Variants in CTNNA3 observed in about 807,000 individuals in gnomAD.
CTNNA3 encodes catenin alpha 3.
Under a neutral mutation model 95.7 loss-of-function variants are expected in CTNNA3, and 76 were observed. The observed-to-expected ratio is 0.79, with a 90% CI of 0.66 to 0.96. The LOEUF (loss-of-function observed/expected upper bound fraction) is 0.96. Ranked by LOEUF, CTNNA3 falls within the 40% of genes least tolerant of loss-of-function variation. The pLI is 0.00. For synonymous variants in CTNNA3, 431 were observed against 374.4 expected (o/e 1.15, Z -1.74); for missense variants, 1,191 against 1,089.8 (o/e 1.09, Z -1.31).
In CTNNA3 at chr10:66,846,506, GGATA is replaced by G. The variant is rs367726455; in HGVS notation, c.1048-70986_1048-70983del. Among the ~76,000 whole-genome samples, 164 of 150,340 alleles carry G rather than the reference GGATA, an allele frequency of 1.1e-3. 1 individual carries two copies. The highest frequency in any genetic ancestry group is 3.5e-3 in the African/African-American group (142 of 40,870). The stretch of plus-strand genomic sequence containing the variant: ...ACACACACACACACACAAAATGAGG[GGATA>G]GATATGTTTGATTGTACAATCATTT... On this transcript the variant is annotated intron_variant, in intron 7 of 17. Transcript: ENST00000433211.
At chr10:66,496,741 C>A (rs888501052) in intron 11 of CTNNA3, among the ~76,000 whole-genome samples, 5 of 152,170 alleles carry the variant, frequency 3.3e-5, no homozygotes, top group Admixed American at 6.5e-5. Flanking sequence ...TTTATTGAAG[C>A]AGTACTGGAT....
chr10:66,411,513 T>C (rs1301897535), intron 11 of CTNNA3, among the ~76,000 whole-genome samples: 1 of 152,048 alleles, frequency 6.6e-6, no homozygotes, highest in Non-Finnish European at 1.5e-5. Flanking sequence ...ATTTTTTATA[T>C]AAATATGGAA....
At chr10:66,540,663 CCCTTTCTT>C (rs59005026) in intron 10 of CTNNA3, among the ~76,000 whole-genome samples, 30,297 of 149,400 alleles carry the variant, frequency 0.2, 4,400 homozygotes, top group East Asian at 0.85. Context: ...CTTCCTTTCT[CCCTTTCTT>C]CCTTTCTTCC....
At chr10:66,888,789 C>A (rs1347146094) in intron 7 of CTNNA3, among the ~76,000 whole-genome samples, 1 of 152,108 alleles carries the variant, frequency 6.6e-6, no homozygotes, top group Admixed American at 6.6e-5. Flanking sequence ...AATGGTACAG[C>A]CACTTTGGAG....
At chr10:67,618,346 T>G in intron 2 of CTNNA3, among the ~76,000 whole-genome samples, 1 of 152,228 alleles carries the variant, frequency 6.6e-6, no homozygotes, top group Non-Finnish European at 1.5e-5. Flanking sequence ...CAGTGACTGA[T>G]GGTAGAATAT....
At chr10:65,982,207 A>G (rs939256060) in intron 16 of CTNNA3, among the ~76,000 whole-genome samples, 6 of 151,562 alleles carry the variant, frequency 4.0e-5, no homozygotes, top group Non-Finnish European at 5.9e-5. Context: ...ATTCTCAAAA[A>G]AAAAAAGATA....
chr10:66,659,030 T>C (rs536884933), intron 9 of CTNNA3, among the ~76,000 whole-genome samples: 12 of 152,194 alleles, frequency 7.9e-5, no homozygotes, highest in Non-Finnish European at 1.5e-4. Context: ...TATTCACTCA[T>C]TCAACATGTA....
intron 12 of CTNNA3, among the ~76,000 whole-genome samples, chr10:66,354,201 C>T (rs1419544698): frequency 6.6e-6 from 1 of 151,758 alleles, no homozygotes; most frequent in Non-Finnish European, 1.5e-5. Context: ...GGGAGAATCG[C>T]TTGAACCCGG....
intron 5 of CTNNA3, among the ~76,000 whole-genome samples, chr10:67,488,310 C>G (rs1389025381): frequency 1.3e-5 from 2 of 152,150 alleles, no homozygotes; most frequent in Admixed American, 6.6e-5. Flanking sequence ...CTCCAAGAAC[C>G]AGAAAGACAA....
chr10:67,529,524 G>C lies in CTNNA3; in HGVS notation c.460-7563C>G, dbSNP rs567361967. Among the ~76,000 whole-genome samples, 60 of 150,342 alleles carry C rather than the reference G, an allele frequency of 4.0e-4. No homozygotes were observed. In the East Asian group the frequency reaches 0.011, roughly 27 times the overall value. On this transcript the variant is annotated intron_variant, in intron 4 of 17. Coordinates refer to ENST00000433211, the MANE Select transcript of CTNNA3 (RefSeq NM_013266.4). ...GGGGGAGGGGGGAGGGATAGCTTTA[G>C]GAGATATACCTAATGCTAAATGATG...
rs866288849 is a variant in CTNNA3 at position 66,481,620 on chromosome 10, T to C, written c.1531+38997A>G. On this transcript the variant is annotated intron_variant, in intron 11 of 17. Coordinates refer to ENST00000433211, the MANE Select transcript of CTNNA3 (RefSeq NM_013266.4). The stretch of plus-strand genomic sequence containing the variant: ...CCGAGTAGCTGGGACTACAGGCGCC[T>C]GCCACCACGCCCGGCTAATTTTTTG... Among the ~76,000 whole-genome samples the C allele has an allele frequency of 9.4e-4, 139 of 147,162 alleles. 11 individuals carry two copies. Among genetic ancestry groups the C allele is most frequent in the African/African-American group, 3.5e-3 (132 of 37,924 alleles).
intron 1 of CTNNA3, among the ~76,000 whole-genome samples, chr10:67,683,303 C>T (rs1589563174): frequency 6.6e-6 from 1 of 152,310 alleles, no homozygotes; most frequent in African/African-American, 2.4e-5. Context: ...TCACCCCCAT[C>T]CACAAAAACA....
chr10:66,227,791 G>C (rs1362159745), intron 13 of CTNNA3, among the ~76,000 whole-genome samples: 1 of 152,044 alleles, frequency 6.6e-6, no homozygotes, highest in Non-Finnish European at 1.5e-5. Context: ...GAAGTCATCT[G>C]GTCCTAGGCT....
At chr10:67,019,592 A>G (rs1298387514) in intron 7 of CTNNA3, among the ~76,000 whole-genome samples, 1 of 152,244 alleles carries the variant, frequency 6.6e-6, no homozygotes, top group Non-Finnish European at 1.5e-5. Flanking sequence ...TAAATAAGAA[A>G]TATGGAGTAC....
At chr10:67,230,293 TC>T (rs1865126793) in intron 5 of CTNNA3, among the ~76,000 whole-genome samples, 2 of 152,180 alleles carry the variant, frequency 1.3e-5, no homozygotes, top group African/African-American at 4.8e-5. Flanking sequence ...AACTGAATCC[TC>T]ATCTCTCACC....
intron 7 of CTNNA3, among the ~76,000 whole-genome samples, chr10:67,086,154 C>G (rs1442580468): frequency 6.6e-6 from 1 of 151,820 alleles, no homozygotes; most frequent in South Asian, 2.1e-4. Flanking sequence ...GTGGAAGAAA[C>G]AGTATATTTT....
At chr10:66,001,546 A>T (rs1452099118) in intron 15 of CTNNA3, among the ~76,000 whole-genome samples, 1 of 152,132 alleles carries the variant, frequency 6.6e-6, no homozygotes, top group East Asian at 1.9e-4. Flanking sequence ...TCACTAGTTG[A>T]CTTTGCTGAT....
At chr10:67,635,550 C>G (rs375187943) in intron 2 of CTNNA3, among the ~76,000 whole-genome samples, 2 of 152,088 alleles carry the variant, frequency 1.3e-5, no homozygotes, top group Non-Finnish European at 2.9e-5. Flanking sequence ...ATCACATAAA[C>G]AGAACTAAAG....
At chr10:67,645,193 G>GCGCGCA (rs1554869403) in intron 2 of CTNNA3, among the ~76,000 whole-genome samples, 1 of 149,086 alleles carries the variant, frequency 6.7e-6, no homozygotes, top group African/African-American at 2.4e-5. Flanking sequence ...GCACGTGCGC[G>GCGCGCA]CACACACACA....
Sources: gnomAD v4.1 joint callset for allele counts (sites outside exome capture counted in the v4.1 genomes callset) on GRCh38, gnomAD v4.1.1 for gene constraint, MANE v1.5 for transcripts, NCBI Gene and HGNC (gene_info 2026-07-23, HGNC 2026-07-21) for gene names.